The following WWOX variants were observed in gnomAD, a reference collection of about 807,000 sequenced individuals.
WWOX encodes the protein WW domain containing oxidoreductase.
WWOX carries 69 observed loss-of-function variants against 46.2 expected under a neutral mutation model. The observed-to-expected ratio is 1.49, with a 90% CI of 1.23 to 1.82. The LOEUF (loss-of-function observed/expected upper bound fraction) is 1.82. Ranked by LOEUF, WWOX falls within the 40% of genes most tolerant of loss-of-function variation. The pLI is 0.00. For synonymous variants in WWOX, 359 were observed against 202.6 expected (o/e 1.77, Z -6.56); for missense variants, 919 against 542.6 (o/e 1.69, Z -6.89).
chr16:78,510,267 G>A (rs553220066), intron 8 of WWOX, among the ~76,000 whole-genome samples: 29 of 152,084 alleles, frequency 1.9e-4, no homozygotes, highest in African/African-American at 6.8e-4. Context: ...TAGAGGTGGC[G>A]CGATCTCCAC....
intron 8 of WWOX, chr16:78,826,032 G>T (rs182942743): frequency 6.0e-6 from 3 of 496,870 alleles, no homozygotes; most frequent in East Asian, 6.7e-5. Flanking sequence ...AGTTGTATTC[G>T]GAGTCTGGAT....
At chr16:78,758,546 A>G (rs1446483044) in intron 8 of WWOX, among the ~76,000 whole-genome samples, 2 of 152,202 alleles carry the variant, frequency 1.3e-5, no homozygotes, top group Non-Finnish European at 2.9e-5. Flanking sequence ...CACTATCTAT[A>G]CTTTTCAACA....
intron 5 of WWOX, among the ~76,000 whole-genome samples, chr16:78,212,362 C>T (rs1018253728): frequency 3.9e-5 from 6 of 152,192 alleles, no homozygotes; most frequent in Non-Finnish European, 8.8e-5. Flanking sequence ...TCCCCAAATT[C>T]AAAAGGACAG....
intron 5 of WWOX, among the ~76,000 whole-genome samples, chr16:78,372,010 A>C (rs1407019093): frequency 6.6e-6 from 1 of 152,164 alleles, no homozygotes; most frequent in Non-Finnish European, 1.5e-5. Context: ...TAGGCCTTGA[A>C]GAAGTGTACC....
intron 6 of WWOX, among the ~76,000 whole-genome samples, chr16:78,410,234 A>T (rs1012475519): frequency 7.2e-5 from 11 of 152,206 alleles, no homozygotes; most frequent in Admixed American, 6.5e-5. Flanking sequence ...AGTCTGCAGA[A>T]TCGGAGCCAA....
chr16:78,723,569 T>C (rs1004083453), intron 8 of WWOX, among the ~76,000 whole-genome samples: 1 of 46,112 alleles, frequency 2.2e-5, no homozygotes, highest in African/African-American at 9.8e-5. Flanking sequence ...TTTCTTTTCT[T>C]TTCTTTTCTT....
intron 8 of WWOX, among the ~76,000 whole-genome samples, chr16:78,458,729 T>A (rs988649943): frequency 6.6e-6 from 1 of 152,158 alleles, no homozygotes; most frequent in South Asian, 2.1e-4. Flanking sequence ...CATGTCTATA[T>A]GTGTATACAT....
chr16:78,374,433 C>T (rs746203204), intron 5 of WWOX, among the ~76,000 whole-genome samples: 2 of 151,284 alleles, frequency 1.3e-5, no homozygotes, highest in Non-Finnish European at 1.5e-5. Context: ...TTATTTGGTC[C>T]TGTAGCTACT....
chr16:78,691,304 C>A (rs1192471815), intron 8 of WWOX: 1 of 701,538 alleles, frequency 1.4e-6, no homozygotes, highest in East Asian at 2.7e-5. Flanking sequence ...TGAGTTCTTA[C>A]CTTGTAAAAG....
At chr16:78,641,195 G>A (rs1373178039) in intron 8 of WWOX, among the ~76,000 whole-genome samples, 6 of 151,916 alleles carry the variant, frequency 3.9e-5, no homozygotes, top group Admixed American at 6.6e-5. Context: ...AGCCTTTCAC[G>A]CTGTGTTTAT....
intron 5 of WWOX, among the ~76,000 whole-genome samples, chr16:78,281,524 G>A (rs1006840378): frequency 6.6e-6 from 1 of 152,190 alleles, no homozygotes; most frequent in South Asian, 2.1e-4. Flanking sequence ...AGTCAGCAAA[G>A]TTTCTCTGTG....
intron 8 of WWOX, chr16:78,780,483 G>A (rs1368838587): frequency 6.6e-6 from 1 of 152,204 alleles, no homozygotes; most frequent in Non-Finnish European, 1.5e-5. Context: ...CAGGACTTCC[G>A]TGATGCGGGG....
At chr16:78,627,447 C>A (rs576243719) in intron 8 of WWOX, among the ~76,000 whole-genome samples, 2 of 152,182 alleles carry the variant, frequency 1.3e-5, no homozygotes, top group African/African-American at 2.4e-5. Context: ...TGTGGCTGGT[C>A]TCCAAGGCCT....
In WWOX at chr16:78,099,816, A is replaced by C; in HGVS notation, c.38A>C (p.Asp13Ala). 1 of 1,578,188 alleles carries C rather than the reference A, an allele frequency of 6.3e-7. No homozygotes were observed. Among genetic ancestry groups the C allele is most frequent in the East Asian group, 2.4e-5 (1 of 42,512 alleles). The change falls in exon 1 of 9, where the codon GAC becomes GCC. Residue 13 changes from aspartate (D) to alanine (A), a missense_variant. Transcript: ENST00000566780. ...ALRYAGLDDTDSEDELPPGWE... is the reference protein window; with the variant it reads ...ALRYAGLDDTASEDELPPGWE... ...CGCTACGCGGGGCTGGACGACACGG[A>C]CAGTGAGGACGAGCTGCCTCCGGGC...
chr16:78,201,983 G>C (rs1036921294), intron 5 of WWOX, among the ~76,000 whole-genome samples: 1 of 152,054 alleles, frequency 6.6e-6, no homozygotes, highest in Non-Finnish European at 1.5e-5. Flanking sequence ...TGGATTATAG[G>C]TGTGATCCAC....
intron 8 of WWOX, among the ~76,000 whole-genome samples, chr16:79,179,310 T>G (rs1424871115): frequency 6.6e-6 from 1 of 152,214 alleles, no homozygotes; most frequent in Non-Finnish European, 1.5e-5. Flanking sequence ...TCCATTTTTA[T>G]GTTTCCTCTG....
rs747979480 is a variant in WWOX at position 78,301,958 on chromosome 16, GT to G, written c.517-84888del. ...TAACATTCTAAAATTAGATGAGGGT[GT>G]TTTTTTTTTTTTTCTTTTTGAGACA... On this transcript the variant is annotated intron_variant, in intron 5 of 8. Coordinates refer to ENST00000566780, the MANE Select transcript of WWOX (RefSeq NM_016373.4). Among the ~76,000 whole-genome samples the G allele has an allele frequency of 2.9e-3, 414 of 142,052 alleles. 1 individual carries two copies. The highest frequency in any genetic ancestry group is 6.5e-3 in the African/African-American group (252 of 38,904). 93.2% of individuals were successfully genotyped at this position (142,052 alleles called of 152,430 possible). A position where few individuals can be genotyped will look rare whatever the true frequency, so the allele number is the denominator to read the frequency against.
chr16:78,943,035 C>T (rs545850753), intron 8 of WWOX, among the ~76,000 whole-genome samples: 8 of 152,174 alleles, frequency 5.3e-5, no homozygotes, highest in South Asian at 2.1e-4. Flanking sequence ...TTGCTTATCT[C>T]TCCTGCTTCT....
At position 79,033,089 on chromosome 16, in the gene WWOX, A is replaced by C. The variant is rs531346649; in HGVS notation, c.1057-178519A>C. On this transcript the variant is annotated intron_variant, in intron 8 of 8. Transcript: ENST00000566780. ...TCCAGCTCCATCCATGTTCCTGCAA[A>C]GGACATGATCTCATTATTTTTTAAG... Among the ~76,000 whole-genome samples the C allele has an allele frequency of 3.3e-4, 49 of 150,446 alleles. 1 individual carries two copies. The highest frequency in any genetic ancestry group is 1.1e-3 in the African/African-American group (46 of 41,222).
Sources: allele counts gnomAD v4.1 joint callset (sites outside exome capture counted in the v4.1 genomes callset), GRCh38; gene constraint gnomAD v4.1.1; transcripts MANE v1.5; gene names NCBI Gene and HGNC (gene_info 2026-07-23, HGNC 2026-07-21).